The following SIRT3 variants were observed in gnomAD, a reference collection of about 807,000 sequenced individuals.
The protein encoded by SIRT3 is NAD-dependent protein deacetylase sirtuin-3, mitochondrial.
In SIRT3, 26 loss-of-function variants were observed where a neutral mutation model predicts 33.5. The ratio of observed to expected loss-of-function variants is 0.78; its 90% CI spans 0.57 to 1.08. The LOEUF (loss-of-function observed/expected upper bound fraction) is 1.08, where lower values mean the gene tolerates loss of function less well. SIRT3 is among the 50% of genes least tolerant of loss of function. SIRT3 has a pLI of 0.00. For synonymous variants in SIRT3, 237 were observed against 222.1 expected (o/e 1.07, Z -0.60); for missense variants, 585 against 530.1 (o/e 1.10, Z -1.02).
chr11:229,274 A>ACCC (rs1554892297), intron 4 of SIRT3, among the ~76,000 whole-genome samples: 1 of 46,286 alleles, frequency 2.2e-5, no homozygotes, highest in East Asian at 7.5e-4. Flanking sequence ...ACATGGTGAA[A>ACCC]CTACTCTACT....
Position 236,090 on chromosome 11 carries a change from C to T in SIRT3, c.239G>A (p.Arg80Gln), listed in dbSNP as rs199548975. 6.4e-7 allele frequency: 1 copy of T among 1,561,836 alleles called. No homozygotes were observed. The highest frequency in any genetic ancestry group is 1.7e-4 in the Middle Eastern group (1 of 5,886). Residue 80 changes from arginine to glutamine, a missense_variant, in exon 1 of 7, where the codon CGG becomes CAG. Coordinates refer to ENST00000382743, the MANE Select transcript of SIRT3 (RefSeq NM_012239.6). ...PPRPEVPRAF[R>Q]RQPRAAAPSF... ...GGGAGCTGCTGCCCTCGGCTGCCTC[C>T]GGAATGCCCTGGGCACCTCGGGTCT...
intron 3 of SIRT3, among the ~76,000 whole-genome samples, chr11:232,373 C>T (rs1385018054): frequency 6.6e-6 from 1 of 152,098 alleles, no homozygotes; most frequent in African/African-American, 2.4e-5. Context: ...CCTGCCTCGG[C>T]CTCCCAAAAT....
chr11:235,932 G>T, intron 1 of SIRT3, 116 bp downstream of exon 1: 1 of 1,187,114 alleles, frequency 8.4e-7, no homozygotes, highest in Non-Finnish European at 1.1e-6. Flanking sequence ...AGGCCCCGGT[G>T]TTGGAACGCA....
chr11:218,907 G>A lies in SIRT3; in HGVS notation c.1104C>T (p.His368=), dbSNP rs74477499. 2,623 of 1,614,118 alleles carry A rather than the reference G, an allele frequency of 1.6e-3. 42 individuals carry two copies. The African/African-American group carries it at 0.03, about 18-fold the overall frequency. The change falls in exon 6 of 7, where the codon CAC becomes CAT. Residue 368 remains histidine, a synonymous_variant. Coordinates refer to ENST00000382743, the MANE Select transcript of SIRT3 (RefSeq NM_012239.6). The part of the protein sequence containing the change: ...RDVAQLGDVV[H]GVESLVELLG... Reference sequence around the variant, plus strand: ...GAAGCTCCACTAGGCTTTCCACGCCGTGAACCACGTCCCCCAGCTGGGCCA... The same window carrying A: ...GAAGCTCCACTAGGCTTTCCACGCCATGAACCACGTCCCCCAGCTGGGCCA...
Position 236,284 on chromosome 11 carries a change from C to G in SIRT3, c.45G>C (p.Trp15Cys). The G allele has an allele frequency of 6.5e-7, 1 of 1,536,948 alleles. No homozygotes were observed. The highest frequency in any genetic ancestry group is 2.5e-5 in the East Asian group (1 of 40,118). The change falls in exon 1 of 7, where the codon TGG (tryptophan) becomes TGC (cysteine). Residue 15 changes from tryptophan to cysteine, a missense_variant. Physicochemically the swap from Trp to Cys is radical, Grantham distance 215 (BLOSUM62 -2). Transcript: ENST00000382743. Reference protein sequence around the residue: ...GWRAAAALRLWGRVVERVEAG... With the variant: ...GWRAAAALRLCGRVVERVEAG... ...CCTCGACCCGTTCAACTACCCGGCC[C>G]CACAGCCGGAGGGCTGCCGCGGCGC...
intron 6 of SIRT3, 140 bp downstream of exon 6, chr11:218,692 G>A (rs1855985892): frequency 1.4e-6 from 2 of 1,455,056 alleles, no homozygotes; most frequent in Non-Finnish European, 9.2e-7. Flanking sequence ...TCAGGTCCAG[G>A]TAGTGCCTGG....
In SIRT3 at chr11:216,600, T is replaced by G; in HGVS notation, c.*98A>C. 1 of 1,430,030 alleles carries G rather than the reference T, an allele frequency of 7.0e-7. No homozygotes were observed. The highest frequency in any genetic ancestry group is 2.3e-5 in the East Asian group (1 of 43,866). The allele number at this position is 1,430,030 out of a possible 1,614,324, so 88.6% of individuals were successfully genotyped here. A position where few individuals can be genotyped will look rare whatever the true frequency, so the allele number is the denominator to read the frequency against. ...GTCCACTCAGTTCACATATTCTGGTTTCACCTGCCCAAGCTGTCTTCAGGC... is the reference window on the plus strand; with the variant it reads ...GTCCACTCAGTTCACATATTCTGGTGTCACCTGCCCAAGCTGTCTTCAGGC... On this transcript the variant is annotated 3_prime_UTR_variant, in exon 7 of 7. Coordinates refer to ENST00000382743, the MANE Select transcript of SIRT3 (RefSeq NM_012239.6).
intron 4 of SIRT3, among the ~76,000 whole-genome samples, chr11:227,615 T>C (rs896107388): frequency 1.2e-4 from 19 of 152,054 alleles, no homozygotes; most frequent in Non-Finnish European, 1.2e-4. Context: ...ATCTATTTTA[T>C]TCTCTTATTT....
In SIRT3 at chr11:233,505, A is replaced by G. The variant is rs1019260369; in HGVS notation, c.311T>C (p.Phe104Ser). ...SIKGGRRSIS[F>S]SVGASSVVGS... ...AACAACACTTGAAGCACCCACAGAA[A>G]AAGATATGGACCTTCTTCCACCTTT... Residue 104 changes from phenylalanine (F) to serine (S), a missense_variant, in exon 2 of 7, where the codon TTT becomes TCT. By Grantham distance (155) the Phe-to-Ser change is radical. Coordinates refer to ENST00000382743, the MANE Select transcript of SIRT3 (RefSeq NM_012239.6). The G allele has an allele frequency of 3.1e-6, 5 of 1,614,048 alleles. No individual in the cohort carries two copies. The African/African-American group carries it at 4.0e-5, about 13-fold the overall frequency.
intron 4 of SIRT3, among the ~76,000 whole-genome samples, chr11:228,571 T>C (rs1488208095): frequency 6.6e-6 from 1 of 152,100 alleles, no homozygotes; most frequent in African/African-American, 2.4e-5. Context: ...TAAAAGAAAA[T>C]GAAGCTGGAT....
In SIRT3 at chr11:218,817, C is replaced by A; in HGVS notation, c.1179+15G>T. 1 of 1,614,178 alleles carries A rather than the reference C, an allele frequency of 6.2e-7. No homozygotes were observed. Among genetic ancestry groups the A allele is most frequent in the Non-Finnish European group, 8.5e-7 (1 of 1,180,028 alleles). On this transcript the variant is annotated intron_variant, in intron 6 of 6. Transcript: ENST00000382743. ...AAGGGCAGCCCCTTGGATGGTCCTCCTCAGCAGTCTGTACCTTCCCAGTTT... is the reference window on the plus strand; with the variant it reads ...AAGGGCAGCCCCTTGGATGGTCCTCATCAGCAGTCTGTACCTTCCCAGTTT...
chr11:233,588 T>A, intron 1 of SIRT3, 54 bp from the exon 2 acceptor site: 1 of 1,579,308 alleles, frequency 6.3e-7, no homozygotes, highest in Non-Finnish European at 8.7e-7. Context: ...AATCTCAGGA[T>A]AGCAAGAACG....
Position 224,199 on chromosome 11 carries a change from C to T in SIRT3, c.848G>A (p.Cys283Tyr). 1.9e-6 allele frequency: 3 copies of T among 1,614,176 alleles called. No individual in the cohort carries two copies. Among genetic ancestry groups the T allele is most frequent in the Non-Finnish European group, 2.5e-6 (3 of 1,180,046 alleles). ...AATGTCGGGCTTCACAACGCCGGTG[C>T]AGACCGGGCAGCGGGGAACCCTGTC... is the stretch of plus-strand genomic sequence containing the variant. ...MADRVPRCPV[C>Y]TGVVKPDIVF... The change falls in exon 5 of 7, where the codon TGC becomes TAC. Residue 283 changes from cysteine (C) to tyrosine (Y), a missense_variant. Cys to Tyr is a radical substitution (Grantham distance 194). Coordinates refer to ENST00000382743, the MANE Select transcript of SIRT3 (RefSeq NM_012239.6).
intron 4 of SIRT3, among the ~76,000 whole-genome samples, 187 bp from the exon 5 acceptor site, chr11:224,426 G>C (rs1431872829): frequency 6.6e-6 from 1 of 152,206 alleles, no homozygotes; most frequent in Non-Finnish European, 1.5e-5. Context: ...CAGCCCTCCG[G>C]AATCTGGGAG....
chr11:235,983 T>G, intron 1 of SIRT3, 65 bp downstream of exon 1: 165 of 1,388,204 alleles, frequency 1.2e-4, no homozygotes, highest in Non-Finnish European at 1.4e-4. Flanking sequence ...CACGGCAAGG[T>G]GAGAAAGAGT....
At chr11:221,043 A>G (rs891040946) in intron 5 of SIRT3, among the ~76,000 whole-genome samples, 1 of 149,168 alleles carries the variant, frequency 6.7e-6, no homozygotes, top group Admixed American at 6.7e-5. Context: ...GCATGGGTAG[A>G]TAAGGATGAT....
At chr11:226,670 A>C (rs1265541065) in intron 4 of SIRT3, among the ~76,000 whole-genome samples, 4 of 151,896 alleles carry the variant, frequency 2.6e-5, no homozygotes, top group African/African-American at 9.7e-5. Context: ...AGCTTCCCAA[A>C]GTACTGGGAT....
rs867159055 is a variant in SIRT3 at position 216,951 on chromosome 11, A to G, written c.1180-233T>C. 5.3e-5 allele frequency among the ~76,000 whole-genome samples: 8 copies of G among 152,364 alleles called. No individual in the cohort carries two copies. In the Middle Eastern group the frequency reaches 0.01, roughly 194 times the overall value. On this transcript the variant is annotated intron_variant, in intron 6 of 6. Transcript: ENST00000382743. ...TATGGGTCTTAAAGTACCCAAATCA[A>G]TATGTACTGATGCTCATGTGCTTAA...
intron 3 of SIRT3, among the ~76,000 whole-genome samples, chr11:232,426 C>T (rs4980330): frequency 0.16 from 23,747 of 152,086 alleles, 2,347 homozygotes; most frequent in Middle Eastern, 0.22. Flanking sequence ...ATCCGGCACC[C>T]GGCCGGAGTT....
Sources: allele counts gnomAD v4.1 joint callset (sites outside exome capture counted in the v4.1 genomes callset), GRCh38; gene constraint gnomAD v4.1.1; transcripts MANE v1.5; gene names NCBI Gene and HGNC (gene_info 2026-07-23, HGNC 2026-07-21).